CSMD2: variants seen among roughly 807,000 people sequenced by gnomAD.
CSMD2 encodes the protein CUB and sushi domain-containing protein 2.
In CSMD2, 130 loss-of-function variants were observed where a neutral mutation model predicts 398.5. The ratio of observed to expected loss-of-function variants is 0.33; its 90% CI spans 0.28 to 0.38. The LOEUF is 0.38. CSMD2 is among the 10% of genes least tolerant of loss of function. The probability of loss-of-function intolerance (pLI) is 1.00; values close to 1 mark genes in which losing one functional copy is unlikely to be tolerated. For synonymous variants in CSMD2, 1,828 were observed against 1,908.5 expected (o/e 0.96, Z 1.10); for missense variants, 3,829 against 4,764.9 (o/e 0.80, Z 5.78).
intron 3 of CSMD2, among the ~76,000 whole-genome samples, chr1:33,975,684 C>T (rs955331624): frequency 3.9e-5 from 6 of 152,072 alleles, no homozygotes; most frequent in East Asian, 3.9e-4. Context: ...GAGGGGAGGG[C>T]CTCCCCTCTG....
chr1:33,858,698 C>T (rs16866020), intron 5 of CSMD2, among the ~76,000 whole-genome samples: 2,827 of 152,266 alleles, frequency 0.019, 103 homozygotes, highest in African/African-American at 0.064. Context: ...TACTATGTAG[C>T]GATCCAAGTG....
intron 32 of CSMD2, among the ~76,000 whole-genome samples, chr1:33,632,899 T>C (rs1414222118): frequency 6.6e-6 from 1 of 152,166 alleles, no homozygotes; most frequent in Non-Finnish European, 1.5e-5. Context: ...ATGTAGCACT[T>C]AAAAATCCTA....
intron 22 of CSMD2, among the ~76,000 whole-genome samples, chr1:33,702,952 A>G (rs1034465360): frequency 2.6e-5 from 4 of 152,164 alleles, no homozygotes; most frequent in African/African-American, 7.2e-5. Flanking sequence ...TCCACACACT[A>G]CTAATTTCAA....
chr1:33,701,350 T>C (rs191029746), intron 22 of CSMD2, among the ~76,000 whole-genome samples: 1 of 152,370 alleles, frequency 6.6e-6, no homozygotes, highest in Non-Finnish European at 1.5e-5. Context: ...ATCTGTCCCC[T>C]GAACTTCTTA....
intron 5 of CSMD2, among the ~76,000 whole-genome samples, chr1:33,882,999 T>C (rs1431375904): frequency 1.3e-5 from 2 of 152,134 alleles, no homozygotes; most frequent in Non-Finnish European, 2.9e-5. Context: ...CTTCATAAAT[T>C]CTCTCTACCA....
chr1:33,648,045 G>A (rs1643549411), intron 28 of CSMD2, among the ~76,000 whole-genome samples: 1 of 152,128 alleles, frequency 6.6e-6, no homozygotes, highest in Admixed American at 6.5e-5. Flanking sequence ...CAAAACCATT[G>A]TGCCTAGATC....
intron 5 of CSMD2, among the ~76,000 whole-genome samples, chr1:33,852,728 TA>T (rs1172742424): frequency 6.6e-5 from 10 of 152,256 alleles, no homozygotes; most frequent in Non-Finnish European, 1.3e-4. Flanking sequence ...TTTGTCTCAG[TA>T]TCTCTGGTGC....
chr1:34,128,915 C>T (rs1480427907), intron 1 of CSMD2, among the ~76,000 whole-genome samples: 1 of 152,114 alleles, frequency 6.6e-6, no homozygotes, highest in African/African-American at 2.4e-5. Flanking sequence ...TCACAACTGC[C>T]CAAGTCCTGG....
At chr1:33,523,451 A>T in intron 66 of CSMD2, 32 bp from the exon 67 acceptor site, 1 of 995,714 alleles carries the variant, frequency 1.0e-6, no homozygotes, top group Admixed American at 2.2e-5. Context: ...TTACACATGA[A>T]AGATATGGGA....
intron 27 of CSMD2, among the ~76,000 whole-genome samples, chr1:33,657,655 C>A (rs1482105465): frequency 6.6e-6 from 1 of 152,200 alleles, no homozygotes; most frequent in Non-Finnish European, 1.5e-5. Flanking sequence ...TCCTTCTGAC[C>A]TGTACAGCCT....
chr1:34,130,389 C>CAAAAAAAA (rs60733725), intron 1 of CSMD2, among the ~76,000 whole-genome samples: 1 of 58,496 alleles, frequency 1.7e-5, no homozygotes, highest in Admixed American at 3.0e-4. Flanking sequence ...TGTCTGGAGG[C>CAAAAAAAA]AAAAAAAAAA....
At chr1:33,812,201 C>T (rs776205015) in intron 9 of CSMD2, among the ~76,000 whole-genome samples, 5 of 152,156 alleles carry the variant, frequency 3.3e-5, no homozygotes, top group Non-Finnish European at 5.9e-5. Flanking sequence ...CTGACATAGC[C>T]CCTCCTCTCT....
At chr1:33,892,109 A>T (rs897442660) in intron 5 of CSMD2, among the ~76,000 whole-genome samples, 1 of 151,106 alleles carries the variant, frequency 6.6e-6, no homozygotes, top group African/African-American at 2.4e-5. Context: ...AAAAATGGAA[A>T]TTTATTTTTT....
At position 33,624,720 on chromosome 1, in the gene CSMD2, GC is replaced by G; in HGVS notation, c.5501-78del. ...TTCCCAAGCTGACTCCTCCCTCATG[GC>G]CCCCAGCCTCTGTTTGTCCTCCTCC... On this transcript the variant is annotated intron_variant, in intron 34 of 70. Coordinates refer to ENST00000373381, the MANE Select transcript of CSMD2 (RefSeq NM_001281956.2). This position sits in a 1 kb window ranked among gnomAD's most constrained non-coding sequence, Gnocchi z 4.7. 3 of 1,545,788 alleles carry G rather than the reference GC, an allele frequency of 1.9e-6. No individual in the cohort carries two copies. The highest frequency in any genetic ancestry group is 2.6e-6 in the Non-Finnish European group (3 of 1,139,756).
At chr1:33,854,770 T>G (rs1238713547) in intron 5 of CSMD2, among the ~76,000 whole-genome samples, 1 of 152,200 alleles carries the variant, frequency 6.6e-6, no homozygotes, top group Non-Finnish European at 1.5e-5. Flanking sequence ...AGAAACCACA[T>G]CAGGTAAATG....
intron 19 of CSMD2, among the ~76,000 whole-genome samples, chr1:33,717,695 C>T (rs2149179421): frequency 6.6e-6 from 1 of 151,376 alleles, no homozygotes; most frequent in East Asian, 2.0e-4. Flanking sequence ...ATATCTGAAG[C>T]CACAAGCAAG....
At position 33,624,640 on chromosome 1, in the gene CSMD2, G is replaced by C; in HGVS notation, c.5504C>G (p.Pro1835Arg). ...GCGCTCTGTGAGGTTGCCTCCACAC[G>C]GCACTGGGAGGAGAGGCCATCGGGT... ...WNVSAPTCVV[P>R]CGGNLTERRG... The change falls in exon 35 of 71, where the codon CCG becomes CGG. Residue 1835 changes from proline to arginine, a missense_variant. Pro to Arg is a moderately radical substitution (Grantham distance 103). Transcript: ENST00000373381. The surrounding 1 kb of genome is among the most constrained non-coding windows in gnomAD (Gnocchi z 4.7). 1 of 1,612,054 alleles carries C rather than the reference G, an allele frequency of 6.2e-7. No homozygotes were observed. The highest frequency in any genetic ancestry group is 8.5e-7 in the Non-Finnish European group (1 of 1,178,582).
chr1:33,681,519 G>T (rs969341949), intron 25 of CSMD2, among the ~76,000 whole-genome samples: 1 of 152,112 alleles, frequency 6.6e-6, no homozygotes, highest in Non-Finnish European at 1.5e-5. Flanking sequence ...TATAAGTAGG[G>T]ACTAGAGGCC....
intron 3 of CSMD2, among the ~76,000 whole-genome samples, chr1:33,978,796 C>T (rs1218621635): frequency 3.9e-5 from 6 of 152,180 alleles, no homozygotes; most frequent in East Asian, 1.9e-4. Flanking sequence ...TCATTGTTTC[C>T]AGGAATGAGA....
Sources: gnomAD v4.1 joint callset for allele counts (sites outside exome capture counted in the v4.1 genomes callset) on GRCh38, gnomAD v4.1.1 for gene constraint, Gnocchi (gnomAD v3.1) non-coding constraint, MANE v1.5 for transcripts, NCBI Gene and HGNC (gene_info 2026-07-23, HGNC 2026-07-21) for gene names.